The following CFH variants were observed in gnomAD, a reference collection of about 807,000 sequenced individuals.
CFH encodes the protein H factor 1 (complement).
In CFH, 53 loss-of-function variants were observed where a neutral mutation model predicts 147.3. That is an observed-to-expected ratio of 0.36 (90% confidence interval 0.29 to 0.45). The LOEUF is 0.45. CFH is among the 20% of genes least tolerant of loss of function. The probability of loss-of-function intolerance (pLI) is 1.00; values close to 1 mark genes in which losing one functional copy is unlikely to be tolerated. For missense variants in CFH, 1,380 were observed against 1,498.0 expected (o/e 0.92, Z 1.30); for synonymous variants, 536 against 489.4 (o/e 1.10, Z -1.26).
intron 7 of CFH, among the ~76,000 whole-genome samples, chr1:196,687,869 A>T (rs1291504554): frequency 1.3e-5 from 2 of 152,104 alleles, no homozygotes; most frequent in Non-Finnish European, 2.9e-5. Context: ...ATTATAAGAT[A>T]TATGGATTGT....
Position 196,713,877 on chromosome 1 carries a change from A to C in CFH, c.1479A>C (p.Thr493=). 1 of 1,612,804 alleles carries C rather than the reference A, an allele frequency of 6.2e-7. No individual in the cohort carries two copies. The highest frequency in any genetic ancestry group is 8.5e-7 in the Non-Finnish European group (1 of 1,179,180). The change falls in exon 10 of 22, where the codon ACA becomes ACC. Residue 493 remains threonine (T), a synonymous_variant. Coordinates refer to ENST00000367429, the MANE Select transcript of CFH (RefSeq NM_000186.4). ...TADGETSGSI[T]CGKDGWSAQP... The stretch of plus-strand genomic sequence containing the variant: ...ATGGTGAAACATCAGGATCAATTAC[A>C]TGTGGGAAAGATGGATGGTCAGCTC...
intron 19 of CFH, among the ~76,000 whole-genome samples, chr1:196,742,538 T>C (rs1238569134): frequency 6.6e-6 from 1 of 152,210 alleles, no homozygotes; most frequent in Non-Finnish European, 1.5e-5. Context: ...AATAAAAAGA[T>C]GGAACTGAGT....
intron 18 of CFH, 42 bp from the exon 19 acceptor site, chr1:196,741,833 T>G: frequency 6.3e-7 from 1 of 1,584,464 alleles, no homozygotes; most frequent in Non-Finnish European, 8.7e-7. Context: ...GTAACCTATT[T>G]TTAAAGATTT....
intron 9 of CFH, among the ~76,000 whole-genome samples, chr1:196,701,861 A>C (rs1030632739): frequency 6.6e-6 from 1 of 152,142 alleles, no homozygotes; most frequent in African/African-American, 2.4e-5. Flanking sequence ...AAACAAAAAA[A>C]GATTATCTTA....
At chr1:196,698,238 A>G (rs1043791302) in intron 9 of CFH, among the ~76,000 whole-genome samples, 1 of 152,128 alleles carries the variant, frequency 6.6e-6, no homozygotes, top group African/African-American at 2.4e-5. Context: ...ATCAGAGCAG[A>G]CCTGGAGATA....
chr1:196,710,779 G>T (rs1668707363), intron 9 of CFH, among the ~76,000 whole-genome samples: 1 of 151,404 alleles, frequency 6.6e-6, no homozygotes, highest in African/African-American at 2.4e-5. Context: ...TCTTACCCTA[G>T]TTTTTTTTAT....
At position 196,737,462 on chromosome 1, in the gene CFH, A is replaced by G; in HGVS notation, c.2597-13A>G. The G allele has an allele frequency of 1.3e-6, 2 of 1,593,798 alleles. No homozygotes were observed. The highest frequency in any genetic ancestry group is 8.6e-7 in the Non-Finnish European group (1 of 1,163,546). On this transcript the variant is annotated splice_polypyrimidine_tract_variant and intron_variant, in intron 16 of 21. Transcript: ENST00000367429. ...ATTTGTTTTTAACCCTTTGATTTTC[A>G]TTCTTCATTTAGAAAAAATTCCATG...
intron 9 of CFH, among the ~76,000 whole-genome samples, chr1:196,706,423 C>T (rs918553536): frequency 6.6e-6 from 1 of 152,036 alleles, no homozygotes; most frequent in African/African-American, 2.4e-5. Flanking sequence ...AATCACTAGG[C>T]AGAGCAGGCC....
In CFH at chr1:196,705,830, T is replaced by A. The variant is rs548477808; in HGVS notation, c.1337-7905T>A. Among the ~76,000 whole-genome samples, 3 of 152,298 alleles carry A rather than the reference T, an allele frequency of 2.0e-5. No homozygotes were observed. The East Asian group carries it at 5.8e-4, about 29-fold the overall frequency. On this transcript the variant is annotated intron_variant, in intron 9 of 21. Transcript: ENST00000367429. ...TTGGAACAGAAGTGGAGCTACTGAC[T>A]TACCTCTAGAAGACTGAATAGGTAT...
At chr1:196,727,629 C>T (rs1253385058) in intron 14 of CFH, among the ~76,000 whole-genome samples, 1 of 152,026 alleles carries the variant, frequency 6.6e-6, no homozygotes, top group Non-Finnish European at 1.5e-5. Context: ...CACTGAGAAG[C>T]AAAGAAACAA....
intron 21 of CFH, 57 bp from the exon 22 acceptor site, chr1:196,747,054 G>A (rs1653034414): frequency 6.2e-7 from 1 of 1,607,564 alleles, no homozygotes; most frequent in South Asian, 1.1e-5. Context: ...AAACCTGAAA[G>A]TCTATGAAGA....
chr1:196,700,589 G>A (rs1356608965), intron 9 of CFH, among the ~76,000 whole-genome samples: 2 of 151,360 alleles, frequency 1.3e-5, no homozygotes, highest in East Asian at 3.9e-4. Context: ...GGGAGGCAGA[G>A]GTTGCAGTGA....
chr1:196,715,524 G>A, intron 10 of CFH, 69 bp from the exon 11 acceptor site: 3 of 1,261,130 alleles, frequency 2.4e-6, no homozygotes, highest in Non-Finnish European at 3.5e-6. Flanking sequence ...TTTCTTCTTA[G>A]AATGGGAAAT....
rs2149078297 is a variant in CFH at position 196,673,961 on chromosome 1, G to A, written c.349G>A (p.Gly117Arg). 6.3e-7 allele frequency: 1 copy of A among 1,591,320 alleles called. No individual in the cohort carries two copies. The highest frequency in any genetic ancestry group is 8.6e-7 in the Non-Finnish European group (1 of 1,159,606). The change falls in exon 3 of 22, where the codon GGG becomes AGG. Residue 117 changes from glycine (G) to arginine (R), a missense_variant and splice_region_variant. This residue lies in a region of CFH where 260 missense variants were observed against 263.3 expected (regional missense o/e 0.99). Transcript: ENST00000367429. ...GVKAVYTCNE[G>R]YQLLGEINYR... ...AAAAGCTGTGTATACATGTAATGAG[G>A]GGTATGTAGTCCATACGAAAAGAGG... is the stretch of plus-strand genomic sequence containing the variant.
At chr1:196,744,033 G>A (rs35935173) in intron 20 of CFH, among the ~76,000 whole-genome samples, 2,967 of 152,174 alleles carry the variant, frequency 0.019, 89 homozygotes, top group African/African-American at 0.067. Context: ...ATATTTAAAG[G>A]TGTGTGACTG....
At chr1:196,700,747 G>T (rs563334959) in intron 9 of CFH, 2 of 872,718 alleles carry the variant, frequency 2.3e-6, no homozygotes, top group African/African-American at 1.8e-5. Flanking sequence ...TGCCACTGGG[G>T]CTGACCCAGA....
chr1:196,654,300 C>A (rs1326511103), intron 1 of CFH, among the ~76,000 whole-genome samples: 1 of 152,078 alleles, frequency 6.6e-6, no homozygotes, highest in African/African-American at 2.4e-5. Flanking sequence ...AGAATTATAG[C>A]CAGCAGGAAT....
intron 11 of CFH, among the ~76,000 whole-genome samples, chr1:196,723,312 T>G (rs1164587162): frequency 6.6e-6 from 1 of 152,132 alleles, no homozygotes; most frequent in Non-Finnish European, 1.5e-5. Context: ...TCTGGGTTCT[T>G]TCAGTGGTAA....
At chr1:196,718,437 G>A (rs1039514109) in intron 11 of CFH, among the ~76,000 whole-genome samples, 3 of 152,014 alleles carry the variant, frequency 2.0e-5, no homozygotes, top group South Asian at 2.1e-4. Context: ...CTGAGGCAGC[G>A]AAGAACTTGA....
Sources: gnomAD v4.1 joint callset for allele counts (sites outside exome capture counted in the v4.1 genomes callset) on GRCh38, gnomAD v4.1.1 for gene constraint, gnomAD v4.1.1 regional missense constraint, MANE v1.5 for transcripts, NCBI Gene and HGNC (gene_info 2026-07-23, HGNC 2026-07-21) for gene names.